SLC24A2: variants seen among roughly 807,000 people sequenced by gnomAD.
The protein encoded by SLC24A2 is solute carrier family 24 member 2.
A neutral mutation model predicts 62.0 loss-of-function variants in SLC24A2; 36 were observed. That is an observed-to-expected ratio of 0.58 (90% CI 0.44 to 0.77). The LOEUF (loss-of-function observed/expected upper bound fraction) is 0.77, where lower values mean the gene tolerates loss of function less well. Ranked by LOEUF, SLC24A2 falls within the 30% of genes least tolerant of loss-of-function variation. The pLI is 0.00. For synonymous variants in SLC24A2, 358 were observed against 294.0 expected (o/e 1.22, Z -2.23); for missense variants, 846 against 817.9 (o/e 1.03, Z -0.42).
At chr9:19,669,524 G>C (rs181237794) in intron 2 of SLC24A2, among the ~76,000 whole-genome samples, 17 of 152,332 alleles carry the variant, frequency 1.1e-4, no homozygotes, top group African/African-American at 3.4e-4. Context: ...AACTCCTGTA[G>C]GTCAGAATCT....
intron 2 of SLC24A2, among the ~76,000 whole-genome samples, chr9:19,774,171 C>T (rs1822773459): frequency 1.3e-5 from 2 of 152,086 alleles, no homozygotes; most frequent in South Asian, 4.2e-4. Flanking sequence ...CAAAAGAGAC[C>T]AGGAGAAGTG....
chr9:19,764,322 G>C (rs564568559), intron 2 of SLC24A2, among the ~76,000 whole-genome samples: 3 of 152,056 alleles, frequency 2.0e-5, no homozygotes, highest in Admixed American at 6.5e-5. Flanking sequence ...CTTCAGTTCT[G>C]CTCTGATCTT....
the SLC24A2 span, among the ~76,000 whole-genome samples, chr9:20,093,866 C>T: frequency 7.9e-5 from 12 of 152,074 alleles, no homozygotes; most frequent in African/African-American, 2.7e-4. Flanking sequence ...GATGGATACC[C>T]GATTTACTCT....
the SLC24A2 span, among the ~76,000 whole-genome samples, chr9:20,291,449 G>T: frequency 6.6e-6 from 1 of 152,176 alleles, no homozygotes; most frequent in Admixed American, 6.5e-5. Flanking sequence ...AGTCCAATTT[G>T]TCTGGAGCTT....
chr9:19,525,774 T>G (rs975847753), intron 9 of SLC24A2, among the ~76,000 whole-genome samples: 29 of 149,782 alleles, frequency 1.9e-4, no homozygotes, highest in Admixed American at 1.5e-3. Flanking sequence ...TGTTTTTTTT[T>G]TTTTTTTTTT....
chr9:19,728,131 A>G (rs1199241889), intron 2 of SLC24A2, among the ~76,000 whole-genome samples: 1 of 152,146 alleles, frequency 6.6e-6, no homozygotes, highest in Non-Finnish European at 1.5e-5. Context: ...CACATTATCC[A>G]TGGCACAACT....
the SLC24A2 span, among the ~76,000 whole-genome samples, chr9:19,916,739 G>C: frequency 2.0e-5 from 3 of 151,964 alleles, no homozygotes; most frequent in African/African-American, 7.2e-5. Flanking sequence ...CACTTCTCTA[G>C]AGCTGGACAC....
At chr9:20,006,796 C>G in the SLC24A2 span, among the ~76,000 whole-genome samples, 3 of 152,054 alleles carry the variant, frequency 2.0e-5, no homozygotes, top group Non-Finnish European at 4.4e-5. Context: ...TGCCTTGGTA[C>G]TACAAAGATC....
Position 19,676,236 on chromosome 9 carries a change from G to A in SLC24A2, c.931-53937C>T, listed in dbSNP as rs1279243799. ...TCACAGTTTTTTGGCTGTCTACCGG[G>A]GCCTGCAGGAGCAATCTGCTTCCTT... is the stretch of plus-strand genomic sequence containing the variant. On this transcript the variant is annotated intron_variant, in intron 2 of 10. Coordinates refer to ENST00000341998, the MANE Select transcript of SLC24A2 (RefSeq NM_020344.4). 2.0e-5 allele frequency among the ~76,000 whole-genome samples: 3 copies of A among 152,142 alleles called. 1 individual carries two copies. The highest frequency in any genetic ancestry group is 4.4e-5 in the Non-Finnish European group (3 of 68,024).
chr9:19,946,874 G>A, the SLC24A2 span, among the ~76,000 whole-genome samples: 1 of 152,178 alleles, frequency 6.6e-6, no homozygotes, highest in Non-Finnish European at 1.5e-5. Flanking sequence ...TTTTCTCATT[G>A]TTGTTACTGC....
chr9:19,591,572 CA>C (rs1212024420), intron 5 of SLC24A2, among the ~76,000 whole-genome samples: 1 of 152,156 alleles, frequency 6.6e-6, no homozygotes, highest in Non-Finnish European at 1.5e-5. Context: ...AAAAAGAAGA[CA>C]AAATATCTAG....
At chr9:19,534,012 T>C (rs1191208881) in intron 8 of SLC24A2, among the ~76,000 whole-genome samples, 1 of 6,508 alleles carries the variant, frequency 1.5e-4, no homozygotes, top group Admixed American at 2.1e-3. Context: ...GTGCAGTAGC[T>C]TTTTTGATGG....
the SLC24A2 span, among the ~76,000 whole-genome samples, chr9:19,965,513 G>C: frequency 6.6e-6 from 1 of 152,168 alleles, no homozygotes; most frequent in Non-Finnish European, 1.5e-5. Flanking sequence ...GAAAATATGC[G>C]TGGTGTGTGT....
the SLC24A2 span, among the ~76,000 whole-genome samples, chr9:20,291,310 G>A: frequency 6.6e-6 from 1 of 152,144 alleles, no homozygotes; most frequent in Non-Finnish European, 1.5e-5. Flanking sequence ...GGGAAATCAA[G>A]AAAGGCTTGC....
intron 2 of SLC24A2, among the ~76,000 whole-genome samples, chr9:19,654,177 A>C (rs1459825220): frequency 1.3e-5 from 2 of 152,130 alleles, no homozygotes; most frequent in Non-Finnish European, 2.9e-5. Flanking sequence ...AATCATACAG[A>C]ATGTAGTGGA....
chr9:20,007,413 A>G, the SLC24A2 span, among the ~76,000 whole-genome samples: 1 of 152,116 alleles, frequency 6.6e-6, no homozygotes, highest in Non-Finnish European at 1.5e-5. Context: ...GGGGTGGGGT[A>G]ATTTGTGTGA....
chr9:20,301,455 T>C, the SLC24A2 span, among the ~76,000 whole-genome samples: 1 of 152,198 alleles, frequency 6.6e-6, no homozygotes, highest in African/African-American at 2.4e-5. Context: ...TCTATGTGTA[T>C]ACTTTCACAA....
chr9:19,834,349 A>G, the SLC24A2 span, among the ~76,000 whole-genome samples: 2 of 152,298 alleles, frequency 1.3e-5, no homozygotes, highest in African/African-American at 4.8e-5. Context: ...CGAATGGATA[A>G]CTAGAATAAC....
chr9:19,584,273 T>TAAAAAAAAAAAAAAAAAAAAAAAAA (rs5896848), intron 5 of SLC24A2, among the ~76,000 whole-genome samples: 3 of 119,946 alleles, frequency 2.5e-5, no homozygotes, highest in Admixed American at 8.2e-5. Flanking sequence ...TAGCAAATAG[T>TAAAAAAAAAAAAAAAAAAAAAAAAA]AAAAAAAAAA....
Sources: allele counts gnomAD v4.1 joint callset (sites outside exome capture counted in the v4.1 genomes callset), GRCh38; gene constraint gnomAD v4.1.1; transcripts MANE v1.5; gene names NCBI Gene and HGNC (gene_info 2026-07-23, HGNC 2026-07-21).